Variants in PDGFC observed in about 807,000 individuals in gnomAD.
PDGFC encodes platelet derived growth factor C, also known as platelet-derived growth factor C.
PDGFC carries 12 observed loss-of-function variants against 35.5 expected under a neutral mutation model. The ratio of observed to expected loss-of-function variants is 0.34; its 90% CI spans 0.22 to 0.55. PDGFC has a LOEUF of 0.55. Among genes scored for constraint, PDGFC ranks in the 20% least tolerant of loss-of-function variants. The probability of loss-of-function intolerance (pLI) is 0.91; values close to 1 mark genes in which losing one functional copy is unlikely to be tolerated. For missense variants in PDGFC, 322 were observed against 412.4 expected (o/e 0.78, Z 1.90); for synonymous variants, 159 against 148.8 (o/e 1.07, Z -0.50).
chr4:156,928,847 T>C (rs771390629), intron 1 of PDGFC, among the ~76,000 whole-genome samples: 11 of 152,202 alleles, frequency 7.2e-5, no homozygotes, highest in Non-Finnish European at 1.3e-4. Flanking sequence ...ATCCTAAGAA[T>C]AAAGTTTATA....
chr4:156,906,374 T>C (rs1730916132), intron 1 of PDGFC, among the ~76,000 whole-genome samples: 1 of 152,164 alleles, frequency 6.6e-6, no homozygotes, highest in Admixed American at 6.5e-5. Context: ...TTATGGCTCA[T>C]GGTGAGGAGT....
chr4:156,966,852 A>G (rs979949333), intron 1 of PDGFC, among the ~76,000 whole-genome samples: 4 of 152,226 alleles, frequency 2.6e-5, no homozygotes, highest in Non-Finnish European at 5.9e-5. Context: ...AAAGCAAAGT[A>G]TATCATCCAT....
chr4:156,895,397 G>T (rs745500605), intron 1 of PDGFC, among the ~76,000 whole-genome samples: 72 of 152,234 alleles, frequency 4.7e-4, no homozygotes, highest in Middle Eastern at 6.8e-3. Flanking sequence ...CACTTTGGGA[G>T]GCTGAGGTGG....
intron 4 of PDGFC, among the ~76,000 whole-genome samples, chr4:156,769,865 G>A (rs897228765): frequency 6.6e-6 from 1 of 152,000 alleles, no homozygotes; most frequent in African/African-American, 2.4e-5. Flanking sequence ...CCTGGGCAAG[G>A]AGGAAGAAGA....
chr4:156,913,896 T>A (rs1455091105), intron 1 of PDGFC, among the ~76,000 whole-genome samples: 1 of 152,170 alleles, frequency 6.6e-6, no homozygotes, highest in East Asian at 1.9e-4. Context: ...TGCTGTCTGC[T>A]GACAAAGGGA....
At chr4:156,793,534 CATATATATATATAT>C (rs66571528) in intron 3 of PDGFC, among the ~76,000 whole-genome samples, 3 of 130,636 alleles carry the variant, frequency 2.3e-5, no homozygotes, top group South Asian at 2.5e-4. Context: ...GAATTATGTG[CATATATATATATAT>C]ATATATATAT....
At chr4:156,937,553 T>C (rs1312088102) in intron 1 of PDGFC, among the ~76,000 whole-genome samples, 1 of 150,074 alleles carries the variant, frequency 6.7e-6, no homozygotes, top group African/African-American at 2.5e-5. Context: ...TACAAAAAAT[T>C]CATCTGGGCA....
intron 1 of PDGFC, among the ~76,000 whole-genome samples, chr4:156,857,922 C>A (rs958002779): frequency 6.6e-6 from 1 of 151,986 alleles, no homozygotes; most frequent in Admixed American, 6.6e-5. Context: ...CAGCTAGATC[C>A]GATCTCAAAT....
At chr4:156,966,448 CTT>C (rs979354852) in intron 1 of PDGFC, among the ~76,000 whole-genome samples, 1 of 146,376 alleles carries the variant, frequency 6.8e-6, no homozygotes, top group Non-Finnish European at 1.5e-5. Flanking sequence ...GTCTTGGAAA[CTT>C]TTTTTTTTTA....
chr4:156,800,682 T>C (rs1305423052), intron 3 of PDGFC, among the ~76,000 whole-genome samples: 2 of 152,166 alleles, frequency 1.3e-5, no homozygotes, highest in Non-Finnish European at 2.9e-5. Context: ...TGGATACAAC[T>C]AGACATTACA....
At chr4:156,825,599 G>T (rs3964173) in intron 2 of PDGFC, among the ~76,000 whole-genome samples, 3,611 of 92,524 alleles carry the variant, frequency 0.039, 53 homozygotes, top group Non-Finnish European at 0.052. Context: ...ATAATAAGAA[G>T]AAGAAGAAGA....
intron 1 of PDGFC, among the ~76,000 whole-genome samples, chr4:156,867,013 T>C (rs1729860616): frequency 6.6e-6 from 1 of 152,162 alleles, no homozygotes; most frequent in Non-Finnish European, 1.5e-5. Flanking sequence ...GATCGCCTTA[T>C]TTTTCACTTA....
chr4:156,762,580 G>C lies in PDGFC; in HGVS notation c.*510C>G, dbSNP rs1730404840. 2 of 149,818 alleles carry C rather than the reference G, an allele frequency of 1.3e-5. No individual in the cohort carries two copies. Among genetic ancestry groups the C allele is most frequent in the Admixed American group, 1.3e-4 (2 of 14,962 alleles). 9.3% of individuals were successfully genotyped at this position (149,818 alleles called of 1,614,324 possible). On this transcript the variant is annotated 3_prime_UTR_variant, in exon 6 of 6. Transcript: ENST00000502773. The stretch of plus-strand genomic sequence containing the variant: ...AACATAGTTCCTTTTTAAAAACCAG[G>C]TTTGTAGTACATAGAATGTTCTGGT...
chr4:156,812,109 G>A (rs1461495513), intron 2 of PDGFC, among the ~76,000 whole-genome samples: 1 of 151,796 alleles, frequency 6.6e-6, no homozygotes, highest in African/African-American at 2.4e-5. Context: ...AGTAAATTGA[G>A]GGAATTTTCT....
intron 3 of PDGFC, among the ~76,000 whole-genome samples, chr4:156,793,451 A>G (rs889760983): frequency 2.7e-5 from 4 of 150,238 alleles, no homozygotes; most frequent in East Asian, 3.9e-4. Flanking sequence ...AATTTAGTGC[A>G]TTGTGACCAG....
chr4:156,948,789 T>A (rs1481590373), intron 1 of PDGFC, among the ~76,000 whole-genome samples: 2 of 152,002 alleles, frequency 1.3e-5, no homozygotes, highest in Admixed American at 1.3e-4. Flanking sequence ...TATGGGGGCA[T>A]ACATAAAAAT....
chr4:156,807,046 GA>G (rs1242994305), intron 3 of PDGFC, among the ~76,000 whole-genome samples: 4 of 151,106 alleles, frequency 2.6e-5, no homozygotes, highest in East Asian at 1.9e-4. Context: ...AGCAGAAAGG[GA>G]AAAAAATCAA....
chr4:156,845,716 G>A (rs1729310120), intron 2 of PDGFC, among the ~76,000 whole-genome samples: 1 of 151,790 alleles, frequency 6.6e-6, no homozygotes. Context: ...AATTGTGTCT[G>A]TTCTTTGAAT....
chr4:156,958,734 C>A (rs993090525), intron 1 of PDGFC, among the ~76,000 whole-genome samples: 4 of 152,084 alleles, frequency 2.6e-5, no homozygotes, highest in African/African-American at 7.2e-5. Flanking sequence ...CCACCCAACT[C>A]CCCTTTACTG....
Sources: gnomAD v4.1 joint callset for allele counts (sites outside exome capture counted in the v4.1 genomes callset) on GRCh38, gnomAD v4.1.1 for gene constraint, MANE v1.5 for transcripts, NCBI Gene and HGNC (gene_info 2026-07-23, HGNC 2026-07-21) for gene names.